ZNF236: variants seen among roughly 807,000 people sequenced by gnomAD.
ZNF236 encodes the protein regulated by glucose.
In ZNF236, 50 loss-of-function variants were observed where a neutral mutation model predicts 191.2. The observed-to-expected ratio is 0.26, with a 90% CI of 0.21 to 0.33. The LOEUF (loss-of-function observed/expected upper bound fraction) is 0.33, where lower values mean the gene tolerates loss of function less well. Ranked by LOEUF, ZNF236 falls within the 10% of genes least tolerant of loss-of-function variation. The pLI is 1.00. For missense variants in ZNF236, 1,754 were observed against 2,374.5 expected (o/e 0.74, Z 5.43); for synonymous variants, 907 against 928.8 (o/e 0.98, Z 0.43).
chr18:76,846,730 A>G (rs554053512), intron 1 of ZNF236, among the ~76,000 whole-genome samples: 2 of 152,314 alleles, frequency 1.3e-5, no homozygotes, highest in African/African-American at 2.4e-5. Context: ...TAACGTGCAG[A>G]GTCTTGCTTC....
chr18:76,892,667 A>G lies in ZNF236; in HGVS notation c.1418-2346A>G, dbSNP rs182978043. Among the ~76,000 whole-genome samples the G allele has an allele frequency of 9.6e-4, 146 of 152,336 alleles. 3 individuals are homozygous for G. Among genetic ancestry groups the G allele is most frequent in the African/African-American group, 3.4e-3 (142 of 41,580 alleles). On this transcript the variant is annotated intron_variant, in intron 9 of 30. Coordinates refer to ENST00000320610, the MANE Select transcript of ZNF236 (RefSeq NM_001306089.2). ...ACCATAACCTCTGCCTCCCGGGTTC[A>G]AGTGATTCTCCTGCCTCAGCCTCCT...
At chr18:76,860,853 C>T (rs911916759) in intron 3 of ZNF236, among the ~76,000 whole-genome samples, 13 of 152,186 alleles carry the variant, frequency 8.5e-5, no homozygotes, top group Non-Finnish European at 1.8e-4. Context: ...TGGTTTCTCC[C>T]TTCAGCACAC....
chr18:76,950,801 A>G (rs1968387698), intron 27 of ZNF236, among the ~76,000 whole-genome samples: 1 of 152,254 alleles, frequency 6.6e-6, no homozygotes, highest in Non-Finnish European at 1.5e-5. Context: ...CATCATAGGA[A>G]TCACTATCTA....
At chr18:76,947,846 C>T (rs1968303027) in intron 27 of ZNF236, among the ~76,000 whole-genome samples, 194 bp downstream of exon 27, 1 of 152,030 alleles carries the variant, frequency 6.6e-6, no homozygotes, top group Non-Finnish European at 1.5e-5. Flanking sequence ...GGTACGATAT[C>T]TCATTCGTTT....
chr18:76,902,997 T>C (rs928476509), intron 11 of ZNF236, among the ~76,000 whole-genome samples: 2 of 152,162 alleles, frequency 1.3e-5, no homozygotes, highest in African/African-American at 4.8e-5. Context: ...TTGATACAGC[T>C]CTGATTGTCC....
intron 29 of ZNF236, 34 bp downstream of exon 29, chr18:76,959,850 T>C: frequency 6.2e-7 from 1 of 1,602,868 alleles, no homozygotes; most frequent in Non-Finnish European, 8.5e-7. Flanking sequence ...GTTTCCTTAC[T>C]CTTTGAAGTA....
In ZNF236 at chr18:76,968,705, T is replaced by C; in HGVS notation, c.*366T>C. 2.0e-6 allele frequency: 2 copies of C among 1,002,196 alleles called. No homozygotes were observed. Among genetic ancestry groups the C allele is most frequent in the Non-Finnish European group, 2.4e-6 (2 of 841,280 alleles). 62.1% of individuals were successfully genotyped at this position (1,002,196 alleles called of 1,614,324 possible). On this transcript the variant is annotated 3_prime_UTR_variant, in exon 31 of 31. Coordinates refer to ENST00000320610, the MANE Select transcript of ZNF236 (RefSeq NM_001306089.2). ...GACAAAAACGCTAACATTGAAAAAGTATGTCAGATTTTCCTTCATGTTTCT... is the reference window on the plus strand; with the variant it reads ...GACAAAAACGCTAACATTGAAAAAGCATGTCAGATTTTCCTTCATGTTTCT...
At chr18:76,937,464 T>C (rs1968033398) in intron 26 of ZNF236, 121 bp downstream of exon 26, 2 of 911,310 alleles carry the variant, frequency 2.2e-6, no homozygotes, top group African/African-American at 3.3e-5. Flanking sequence ...AATCGAAGCA[T>C]TTTTTTTCTG....
chr18:76,957,877 A>G lies in ZNF236; in HGVS notation c.5112+1695A>G, dbSNP rs140473155. Among the ~76,000 whole-genome samples the G allele has an allele frequency of 6.8e-3, 1,043 of 152,380 alleles. 8 individuals carry two copies. The highest frequency in any genetic ancestry group is 0.024 in the African/African-American group (981 of 41,600). Reference sequence around the variant, plus strand: ...CATTCTGGACAGAGGAACAGCAAAGATGTCATGACGAAGACGCCAAAAGCA... The same window carrying G: ...CATTCTGGACAGAGGAACAGCAAAGGTGTCATGACGAAGACGCCAAAAGCA... On this transcript the variant is annotated intron_variant, in intron 28 of 30. Transcript: ENST00000320610.
intron 30 of ZNF236, among the ~76,000 whole-genome samples, chr18:76,963,110 AT>A (rs986259681): frequency 3.3e-5 from 5 of 152,170 alleles, no homozygotes; most frequent in African/African-American, 1.2e-4. Context: ...TGCCACTGCT[AT>A]GTTGAAGAGG....
intron 26 of ZNF236, among the ~76,000 whole-genome samples, chr18:76,941,197 C>T (rs1968125784): frequency 6.6e-6 from 1 of 152,178 alleles, no homozygotes; most frequent in Non-Finnish European, 1.5e-5. Flanking sequence ...CAAGCAGGTT[C>T]TTGAGGAAGG....
At chr18:76,860,273 G>A (rs745464150) in intron 3 of ZNF236, among the ~76,000 whole-genome samples, 1 of 152,104 alleles carries the variant, frequency 6.6e-6, no homozygotes, top group Non-Finnish European at 1.5e-5. Flanking sequence ...ACCCGAGGAC[G>A]ACATGAAGGG....
rs201099988 is a variant in ZNF236 at position 76,956,086 on chromosome 18, G to C, written c.5016G>C (p.Ala1672=). 2 of 1,593,760 alleles carry C rather than the reference G, an allele frequency of 1.3e-6. No homozygotes were observed. The highest frequency in any genetic ancestry group is 2.3e-5 in the South Asian group (2 of 88,180). The part of the protein sequence containing the change: ...LECDRAFSSA[A]VLMHHSKEVH... ...GTGACCGCGCCTTCTCATCGGCGGC[G>C]GTGCTCATGCACCACAGCAAGGAGG... The change falls in exon 28 of 31, where the codon GCG becomes GCC. Residue 1672 remains alanine, a synonymous_variant. Transcript: ENST00000320610.
intron 3 of ZNF236, among the ~76,000 whole-genome samples, chr18:76,857,968 G>A (rs561394403): frequency 2.0e-5 from 3 of 152,038 alleles, no homozygotes; most frequent in Non-Finnish European, 2.9e-5. Context: ...CACTTTTTAC[G>A]TTTCTTAAGT....
intron 28 of ZNF236, among the ~76,000 whole-genome samples, chr18:76,956,510 G>A (rs1314301623): frequency 6.6e-6 from 1 of 152,170 alleles, no homozygotes; most frequent in African/African-American, 2.4e-5. Context: ...ACAGAGGCTC[G>A]CTCACGTAAT....
At chr18:76,889,068 C>G (rs1433054174) in intron 9 of ZNF236, among the ~76,000 whole-genome samples, 1 of 152,220 alleles carries the variant, frequency 6.6e-6, no homozygotes, top group East Asian at 1.9e-4. Context: ...TCTTGCTAGT[C>G]CCACCAGGCA....
At chr18:76,868,279 C>T (rs923310504) in intron 3 of ZNF236, among the ~76,000 whole-genome samples, 2 of 152,142 alleles carry the variant, frequency 1.3e-5, no homozygotes, top group Admixed American at 6.5e-5. Context: ...GTTTCAAGGT[C>T]GTCTCTTAAA....
At chr18:76,963,346 T>C (rs1968705234) in intron 30 of ZNF236, among the ~76,000 whole-genome samples, 1 of 152,336 alleles carries the variant, frequency 6.6e-6, no homozygotes, top group South Asian at 2.1e-4. Context: ...TGGTTTTTGT[T>C]TTTAATTCTG....
At chr18:76,914,772 T>C (rs1967312120) in intron 18 of ZNF236, among the ~76,000 whole-genome samples, 1 of 152,234 alleles carries the variant, frequency 6.6e-6, no homozygotes, top group African/African-American at 2.4e-5. Flanking sequence ...CTACTGGACC[T>C]TTATCAGATG....
Sources: gnomAD v4.1 joint callset for allele counts (sites outside exome capture counted in the v4.1 genomes callset) on GRCh38, gnomAD v4.1.1 for gene constraint, MANE v1.5 for transcripts, NCBI Gene and HGNC (gene_info 2026-07-23, HGNC 2026-07-21) for gene names.